Variants in SLC9A8 observed in about 807,000 individuals in gnomAD.
The protein encoded by SLC9A8 is sodium/hydrogen exchanger 8.
Under a neutral mutation model 66.6 loss-of-function variants are expected in SLC9A8, and 48 were observed. The observed-to-expected ratio is 0.72, with a 90% CI of 0.57 to 0.92. SLC9A8 has a LOEUF of 0.92. SLC9A8 is among the 40% of genes least tolerant of loss of function. SLC9A8 has a pLI of 0.00. For missense variants in SLC9A8, 599 were observed against 747.3 expected (o/e 0.80, Z 2.31); for synonymous variants, 274 against 282.6 (o/e 0.97, Z 0.31).
At chr20:49,869,211 A>T (rs1216470220) in intron 10 of SLC9A8, among the ~76,000 whole-genome samples, 2 of 151,654 alleles carry the variant, frequency 1.3e-5, no homozygotes, top group Non-Finnish European at 2.9e-5. Context: ...ATGAGATAAC[A>T]CTTTCTTTCT....
chr20:49,830,584 C>A, intron 3 of SLC9A8: 1 of 609,180 alleles, frequency 1.6e-6, no homozygotes. Context: ...CCAGAAGCTC[C>A]CATCTCAGGG....
Position 49,891,144 on chromosome 20 carries a change from T to C in SLC9A8, c.*3208T>C, listed in dbSNP as rs1275799570. On this transcript the variant is annotated 3_prime_UTR_variant, in exon 16 of 16. Coordinates refer to ENST00000361573, the MANE Select transcript of SLC9A8 (RefSeq NM_015266.3). ...GCTCAGGGCTGGAACTGCTGCCTGA[T>C]TCCTGTGTGGGGAGAAGCTCAGTGG... 6 of 152,274 alleles carry C rather than the reference T, an allele frequency of 3.9e-5. No homozygotes were observed. The highest frequency in any genetic ancestry group is 8.8e-5 in the Non-Finnish European group (6 of 68,162). The allele number at this position is 152,274 out of a possible 1,614,324, so 9.4% of individuals were successfully genotyped here.
At chr20:49,856,580 G>T (rs1411178951) in intron 8 of SLC9A8, among the ~76,000 whole-genome samples, 1 of 152,194 alleles carries the variant, frequency 6.6e-6, no homozygotes, top group Non-Finnish European at 1.5e-5. Flanking sequence ...CCAGCACTTT[G>T]GAAGGCCAAG....
intron 4 of SLC9A8, among the ~76,000 whole-genome samples, chr20:49,841,613 CAG>C (rs1412518017): frequency 2.0e-5 from 3 of 151,812 alleles, no homozygotes; most frequent in Non-Finnish European, 4.4e-5. Flanking sequence ...TTTTTTGAGA[CAG>C]AGTCTCTCTT....
intron 10 of SLC9A8, among the ~76,000 whole-genome samples, chr20:49,869,242 CAG>C (rs1568861434): frequency 6.6e-6 from 1 of 151,922 alleles, no homozygotes; most frequent in African/African-American, 2.4e-5. Flanking sequence ...CTTTTTGAGG[CAG>C]AGTTTCGCTC....
intron 7 of SLC9A8, among the ~76,000 whole-genome samples, chr20:49,852,165 G>A (rs2088281511): frequency 6.6e-6 from 1 of 152,304 alleles, no homozygotes; most frequent in Non-Finnish European, 1.5e-5. Context: ...GAGGGAAGCT[G>A]GCCAGCTGTG....
chr20:49,848,635 A>C (rs1052782717), intron 5 of SLC9A8, among the ~76,000 whole-genome samples: 3 of 152,262 alleles, frequency 2.0e-5, no homozygotes, highest in Non-Finnish European at 2.9e-5. Flanking sequence ...TGGAAATTTG[A>C]AAGATGCTAC....
intron 4 of SLC9A8, among the ~76,000 whole-genome samples, chr20:49,844,494 C>T (rs2087895523): frequency 6.6e-6 from 1 of 151,914 alleles, no homozygotes; most frequent in Non-Finnish European, 1.5e-5. Context: ...CTTTAAAATC[C>T]TTGTCTTGGC....
rs12624319 is a variant in SLC9A8 at position 49,831,355 on chromosome 20, C to T, written c.290-8186C>T. On this transcript the variant is annotated intron_variant, in intron 3 of 15. Transcript: ENST00000361573. ...ACACGAGGAGGTGGCTGTGTGTGCA[C>T]GCACACACACGAGGAGGTGGCTGTG... 0.023 allele frequency among the ~76,000 whole-genome samples: 3,451 copies of T among 152,090 alleles called. 382 individuals carry two copies. The East Asian group carries it at 0.35, about 15-fold the overall frequency.
In SLC9A8 at chr20:49,887,889, C is replaced by T. The variant is rs765456776; in HGVS notation, c.1699C>T (p.Arg567Cys). Residue 567 changes from arginine (R) to cysteine (C), a missense_variant, in exon 16 of 16, where the codon CGC (arginine) becomes TGC (cysteine). By Grantham distance (180) the Arg-to-Cys change is radical. Transcript: ENST00000361573. ...CACCAACAAGTGGTACGAGGAGGTA[C>T]GCCAGGGCCCCTCCGGCTCCGAGGA... ...TLTNKWYEEV[R>C]QGPSGSEDDE... The T allele has an allele frequency of 2.1e-5, 34 of 1,613,600 alleles. No homozygotes were observed. Among genetic ancestry groups the T allele is most frequent in the East Asian group, 1.6e-4 (7 of 44,888 alleles).
intron 7 of SLC9A8, among the ~76,000 whole-genome samples, chr20:49,851,149 T>C (rs1396317757): frequency 6.6e-6 from 1 of 152,222 alleles, no homozygotes; most frequent in Non-Finnish European, 1.5e-5. Context: ...CACTGTACCA[T>C]TGTCTTCTTA....
intron 13 of SLC9A8, among the ~76,000 whole-genome samples, chr20:49,882,286 C>T (rs930707658): frequency 6.6e-6 from 1 of 152,210 alleles, no homozygotes; most frequent in African/African-American, 2.4e-5. Flanking sequence ...TTGGCCTTGG[C>T]AGGTCACCAG....
chr20:49,860,255 T>C (rs2088678691), intron 8 of SLC9A8, among the ~76,000 whole-genome samples: 1 of 152,178 alleles, frequency 6.6e-6, no homozygotes, highest in Non-Finnish European at 1.5e-5. Flanking sequence ...TTGGGGAGAT[T>C]GTTTGTTCAG....
At chr20:49,827,772 A>C (rs2086972280) in intron 3 of SLC9A8, among the ~76,000 whole-genome samples, 3 of 152,076 alleles carry the variant, frequency 2.0e-5, no homozygotes. Context: ...TGAAAGTTTG[A>C]CTTTCAGTTG....
At chr20:49,857,770 T>C (rs2088560124) in intron 8 of SLC9A8, among the ~76,000 whole-genome samples, 1 of 152,002 alleles carries the variant, frequency 6.6e-6, no homozygotes, top group African/African-American at 2.4e-5. Flanking sequence ...CAGCATTGGG[T>C]AATGTGACAT....
At chr20:49,870,220 CA>C (rs1456999967) in intron 10 of SLC9A8, among the ~76,000 whole-genome samples, 19 of 152,344 alleles carry the variant, frequency 1.2e-4, no homozygotes, top group Non-Finnish European at 1.5e-5. Context: ...AACACAAGAT[CA>C]GTTTCCTTTT....
intron 4 of SLC9A8, among the ~76,000 whole-genome samples, chr20:49,843,932 A>G (rs540180069): frequency 3.0e-4 from 46 of 152,180 alleles, no homozygotes; most frequent in Non-Finnish European, 6.6e-4. Flanking sequence ...TGGTTGTTAA[A>G]AACAGCCTGG....
At chr20:49,884,246 CACACACACACACG>C (rs1482268199) in intron 14 of SLC9A8, 180 bp downstream of exon 14, 4,599 of 355,824 alleles carry the variant, frequency 0.013, 379 homozygotes, top group Non-Finnish European at 0.018. Context: ...ACACACGACA[CACACACACACACG>C]ACACACACAC....
intron 3 of SLC9A8, among the ~76,000 whole-genome samples, chr20:49,838,603 T>G (rs2087636862): frequency 6.6e-6 from 1 of 152,248 alleles, no homozygotes; most frequent in South Asian, 2.1e-4. Flanking sequence ...GTCCTTTTCC[T>G]GCTCAGCTTC....
Sources: gnomAD v4.1 joint callset for allele counts (sites outside exome capture counted in the v4.1 genomes callset) on GRCh38, gnomAD v4.1.1 for gene constraint, MANE v1.5 for transcripts, NCBI Gene and HGNC (gene_info 2026-07-23, HGNC 2026-07-21) for gene names.